The following SLC2A5 variants were observed in gnomAD, a reference collection of about 807,000 sequenced individuals.
The protein encoded by SLC2A5 is solute carrier family 2 member 5, also known as solute carrier family 2, facilitated glucose transporter member 5.
SLC2A5 carries 56 observed loss-of-function variants against 50.3 expected under a neutral mutation model. That is an observed-to-expected ratio of 1.11 (90% CI 0.90 to 1.39). SLC2A5 has a LOEUF of 1.39. SLC2A5 is among the 40% of genes most tolerant of loss of function. SLC2A5 has a pLI of 0.00. For synonymous variants in SLC2A5, 269 were observed against 281.9 expected (o/e 0.95, Z 0.46); for missense variants, 566 against 650.1 (o/e 0.87, Z 1.41).
chr1:9,045,100 A>C (rs1175502205), intron 4 of SLC2A5, among the ~76,000 whole-genome samples: 1 of 152,138 alleles, frequency 6.6e-6, no homozygotes, highest in Non-Finnish European at 1.5e-5. Flanking sequence ...TCATGAGCAT[A>C]TGGGAGTTTT....
chr1:9,046,545 G>A (rs752234828), intron 4 of SLC2A5, among the ~76,000 whole-genome samples: 3 of 152,128 alleles, frequency 2.0e-5, no homozygotes, highest in Admixed American at 1.3e-4. Context: ...AACTTAAAAT[G>A]TGGCACTGTT....
chr1:9,071,186 G>A (rs1216517209), upstream of SLC2A5, among the ~76,000 whole-genome samples: 1 of 152,138 alleles, frequency 6.6e-6, no homozygotes, highest in Non-Finnish European at 1.5e-5. Flanking sequence ...AAGGTGGGTG[G>A]ATCACCTGAG....
At chr1:9,051,538 A>G (rs1641578117) in intron 3 of SLC2A5, among the ~76,000 whole-genome samples, 1 of 152,212 alleles carries the variant, frequency 6.6e-6, no homozygotes, top group Admixed American at 6.5e-5. Flanking sequence ...AAATAAGCAT[A>G]TGAAAAGGTG....
At chr1:9,043,736 T>C (rs1010713806) in intron 4 of SLC2A5, among the ~76,000 whole-genome samples, 4 of 148,510 alleles carry the variant, frequency 2.7e-5, no homozygotes, top group Non-Finnish European at 3.0e-5. Context: ...TTTTTTTTTT[T>C]CGAGATGCGA....
At position 9,057,474 on chromosome 1, in the gene SLC2A5, G is replaced by T. The variant is rs771373747; in HGVS notation, c.267C>A (p.Val89=). The T allele has an allele frequency of 1.2e-6, 2 of 1,613,376 alleles. No homozygotes were observed. The highest frequency in any genetic ancestry group is 2.7e-5 in the African/African-American group (2 of 74,774). The change falls in exon 3 of 12, where the codon GTC becomes GTA. Residue 89 remains valine (V), a synonymous_variant. Transcript: ENST00000377424. ...PFGGFIGSLL[V]GPLVNKFGRK... Reference sequence around the variant, plus strand: ...TGCCAAATTTATTCACCAAGGGGCCGACCAGGAGGGATCCGATAAACCCTC... The same window carrying T: ...TGCCAAATTTATTCACCAAGGGGCCTACCAGGAGGGATCCGATAAACCCTC...
chr1:9,053,312 A>AC (rs1557670263), intron 3 of SLC2A5, among the ~76,000 whole-genome samples: 941 of 36,028 alleles, frequency 0.026, 205 homozygotes, highest in Middle Eastern at 0.062. Flanking sequence ...ATATTTATAT[A>AC]TTGTATTTAT....
intron 2 of SLC2A5, among the ~76,000 whole-genome samples, chr1:9,082,144 G>A (rs1642362075): frequency 6.6e-6 from 1 of 152,106 alleles, no homozygotes; most frequent in African/African-American, 2.4e-5. Context: ...CTTGTACCTT[G>A]CCGATGGGAA....
Position 9,036,224 on chromosome 1 carries a change from T to G in SLC2A5, c.*1362A>C, listed in dbSNP as rs1285701793. 1 of 152,190 alleles carries G rather than the reference T, an allele frequency of 6.6e-6. No individual in the cohort carries two copies. The highest frequency in any genetic ancestry group is 1.5e-5 in the Non-Finnish European group (1 of 68,044). The allele number at this position is 152,190 out of a possible 1,614,324, so 9.4% of individuals were successfully genotyped here. On this transcript the variant is annotated 3_prime_UTR_variant, in exon 12 of 12. Transcript: ENST00000377424. Reference sequence around the variant, plus strand: ...GGTCTCATTCTGTCATGCAGGCTGGTGTGCAGTGATGCAATCATGACTCAG... The same window carrying G: ...GGTCTCATTCTGTCATGCAGGCTGGGGTGCAGTGATGCAATCATGACTCAG...
At position 9,065,053 on chromosome 1, in the gene SLC2A5, C is replaced by CAAAA. The variant is rs199947177; in HGVS notation, c.33+4447_33+4450dup. Among the ~76,000 whole-genome samples, 442 of 107,210 alleles carry CAAAA rather than the reference C, an allele frequency of 4.1e-3. 3 individuals carry two copies. The highest frequency in any genetic ancestry group is 0.013 in the African/African-American group (424 of 33,524). The allele number at this position is 107,210 out of a possible 152,430, so 70.3% of individuals were successfully genotyped here. A position where few individuals can be genotyped will look rare whatever the true frequency, so the allele number is the denominator to read the frequency against. On this transcript the variant is annotated intron_variant, in intron 1 of 11. Transcript: ENST00000377424. ...GGGCAACAAGAGCAAGATTCTGTCTCAAAAAAAAAAAAAAAAAATGTATAG... is the reference window on the plus strand; with the variant it reads ...GGGCAACAAGAGCAAGATTCTGTCTCAAAAAAAAAAAAAAAAAAAAAATGTATAG...
intron 1 of SLC2A5, among the ~76,000 whole-genome samples, chr1:9,059,735 T>C (rs1021492985): frequency 1.3e-5 from 2 of 151,824 alleles, no homozygotes; most frequent in African/African-American, 4.8e-5. Flanking sequence ...GGTCTCATTA[T>C]ATTGTCCAAG....
chr1:9,088,785 A>AAAC (rs554073967), upstream of SLC2A5, among the ~76,000 whole-genome samples: 72 of 152,092 alleles, frequency 4.7e-4, no homozygotes, highest in South Asian at 7.5e-3. Flanking sequence ...TCCGTCTCAA[A>AAAC]AACAACAACA....
chr1:9,043,922 A>G (rs909053788), intron 4 of SLC2A5, among the ~76,000 whole-genome samples: 1 of 149,432 alleles, frequency 6.7e-6, no homozygotes, highest in African/African-American at 2.5e-5. Flanking sequence ...GGGTTTCACC[A>G]TGTTGGCAAG....
intron 1 of SLC2A5, among the ~76,000 whole-genome samples, chr1:9,068,594 G>GGT (rs1163899555): frequency 7.9e-5 from 12 of 151,946 alleles, no homozygotes; most frequent in African/African-American, 2.9e-4. Context: ...TGGGATTACA[G>GGT]GCACCTGCCA....
At chr1:9,066,329 A>G (rs918786343) in intron 1 of SLC2A5, among the ~76,000 whole-genome samples, 7 of 151,946 alleles carry the variant, frequency 4.6e-5, no homozygotes, top group Non-Finnish European at 8.8e-5. Context: ...TCTACCTCCC[A>G]GGCTCAGGCG....
intron 1 of SLC2A5, among the ~76,000 whole-genome samples, chr1:9,059,318 AT>A (rs1301516011): frequency 2.9e-4 from 43 of 149,016 alleles, no homozygotes; most frequent in East Asian, 2.0e-3. Flanking sequence ...AATTTTTTGT[AT>A]TTTTTAGTAG....
chr1:9,061,785 C>A (rs1432102462), intron 1 of SLC2A5, among the ~76,000 whole-genome samples: 1 of 152,128 alleles, frequency 6.6e-6, no homozygotes, highest in Non-Finnish European at 1.5e-5. Flanking sequence ...ACAAGCACAG[C>A]CCAGCTGGTG....
intron 3 of SLC2A5, among the ~76,000 whole-genome samples, chr1:9,053,243 A>T (rs1299584293): frequency 1.4e-5 from 1 of 69,140 alleles, no homozygotes. Context: ...ATATTTATAT[A>T]TTATATTTAT....
chr1:9,063,789 G>A (rs61785809), intron 1 of SLC2A5, among the ~76,000 whole-genome samples: 1 of 119,466 alleles, frequency 8.4e-6, no homozygotes, highest in South Asian at 2.8e-4. Context: ...TCCGCCTCCC[G>A]GGTTCACGCC....
chr1:9,058,243 G>A lies in SLC2A5; in HGVS notation c.41C>T (p.Thr14Met), dbSNP rs765084352. 8 of 1,613,384 alleles carry A rather than the reference G, an allele frequency of 5.0e-6. No homozygotes were observed. Among genetic ancestry groups the A allele is most frequent in the African/African-American group, 4.0e-5 (3 of 74,914 alleles). The change falls in exon 2 of 12, where the codon ACG becomes ATG. Residue 14 changes from threonine (T) to methionine (M), a missense_variant. Thr to Met is a moderately conservative substitution (Grantham distance 81, BLOSUM62 -1). Coordinates refer to ENST00000377424, the MANE Select transcript of SLC2A5 (RefSeq NM_003039.3). ...QDQSMKEGRLTLVLALATLIA... is the reference protein window; with the variant it reads ...QDQSMKEGRLMLVLALATLIA... ...CAGGGTTGCCAGGGCAAGCACAAGCGTCAGCCTCTGCAGAGATCACAGCTT... is the reference window on the plus strand; with the variant it reads ...CAGGGTTGCCAGGGCAAGCACAAGCATCAGCCTCTGCAGAGATCACAGCTT...
Sources: gnomAD v4.1 joint callset for allele counts (sites outside exome capture counted in the v4.1 genomes callset) on GRCh38, gnomAD v4.1.1 for gene constraint, MANE v1.5 for transcripts, NCBI Gene and HGNC (gene_info 2026-07-23, HGNC 2026-07-21) for gene names.